PRNP: variants seen among roughly 807,000 people sequenced by gnomAD.
PRNP encodes prion protein (Kanno blood group).
Under a neutral mutation model 21.3 loss-of-function variants are expected in PRNP, and 15 were observed. That is an observed-to-expected ratio of 0.71 (90% CI 0.47 to 1.09). The LOEUF is 1.09. Ranked by LOEUF, PRNP falls within the 50% of genes least tolerant of loss-of-function variation. The pLI is 0.00. For missense variants in PRNP, 285 were observed against 340.9 expected (o/e 0.84, Z 1.29); for synonymous variants, 121 against 123.1 (o/e 0.98, Z 0.11).
chr20:4,699,826 C>T lies in PRNP; in HGVS notation c.606C>T (p.Asp202=), dbSNP rs371948269. 229 of 1,613,786 alleles carry T rather than the reference C, an allele frequency of 1.4e-4. No homozygotes were observed. The highest frequency in any genetic ancestry group is 1.9e-4 in the Non-Finnish European group (220 of 1,180,008). The part of the protein sequence containing the change: ...TTKGENFTET[D]VKMMERVVEQ... ...AGGGGGAGAACTTCACCGAGACCGA[C>T]GTTAAGATGATGGAGCGCGTGGTTG... The change falls in exon 2 of 2, where the codon GAC becomes GAT. Residue 202 remains aspartate, a synonymous_variant. Coordinates refer to ENST00000379440, the MANE Select transcript of PRNP (RefSeq NM_000311.5). The surrounding 1 kb of genome is among the most constrained non-coding windows in gnomAD (Gnocchi z 5.8).
At position 4,700,116 on chromosome 20, in the gene PRNP, C is replaced by T. The variant is rs1922509325; in HGVS notation, c.*134C>T. The T allele has an allele frequency of 1.3e-6, 2 of 1,549,490 alleles. No individual in the cohort carries two copies. The highest frequency in any genetic ancestry group is 1.2e-5 in the South Asian group (1 of 83,214). Reference sequence around the variant, plus strand: ...TGTCCCGGATAGGCTAATCAATACCCTTGGCACTGATGGGCACTGGAAAAC... The same window carrying T: ...TGTCCCGGATAGGCTAATCAATACCTTTGGCACTGATGGGCACTGGAAAAC... On this transcript the variant is annotated 3_prime_UTR_variant, in exon 2 of 2. Transcript: ENST00000379440. This position sits in a 1 kb window ranked among gnomAD's most constrained non-coding sequence, Gnocchi z 4.1.
intron 1 of PRNP, among the ~76,000 whole-genome samples, chr20:4,696,807 C>T (rs1922198579): frequency 6.6e-6 from 1 of 152,146 alleles, no homozygotes; most frequent in South Asian, 2.1e-4. Context: ...GATGTATAGG[C>T]CCCCAGACAT....
chr20:4,693,188 T>C (rs1921943053), intron 1 of PRNP, among the ~76,000 whole-genome samples: 1 of 152,160 alleles, frequency 6.6e-6, no homozygotes. Flanking sequence ...CAGCAGGTCT[T>C]ATTGGCTCTT....
intron 1 of PRNP, among the ~76,000 whole-genome samples, chr20:4,696,179 G>A (rs541279193): frequency 2.0e-5 from 3 of 152,030 alleles, no homozygotes; most frequent in Non-Finnish European, 4.4e-5. Context: ...AAAAAATTGA[G>A]ATTACCTGGA....
chr20:4,699,196 C>T lies in PRNP; in HGVS notation c.-10-15C>T, dbSNP rs1350241354. 6.2e-7 allele frequency: 1 copy of T among 1,613,542 alleles called. No individual in the cohort carries two copies. The highest frequency in any genetic ancestry group is 8.5e-7 in the Non-Finnish European group (1 of 1,179,862). The stretch of plus-strand genomic sequence containing the variant: ...ATAAATATGGGACTCTGACGTTCTC[C>T]TCTTCATTTTGCAGAGCAGTCATTA... On this transcript the variant is annotated splice_polypyrimidine_tract_variant and intron_variant, in intron 1 of 1. Transcript: ENST00000379440. This position sits in a 1 kb window ranked among gnomAD's most constrained non-coding sequence, Gnocchi z 5.8.
intron 1 of PRNP, among the ~76,000 whole-genome samples, chr20:4,691,383 T>C (rs1921817496): frequency 6.6e-6 from 1 of 152,216 alleles, no homozygotes; most frequent in Non-Finnish European, 1.5e-5. Flanking sequence ...CCATTAAGTA[T>C]GATGTTAGCT....
intron 1 of PRNP, among the ~76,000 whole-genome samples, chr20:4,694,962 A>AT (rs1041060918): frequency 1.3e-5 from 2 of 150,194 alleles, no homozygotes; most frequent in Non-Finnish European, 3.0e-5. Flanking sequence ...TCTTTTGGCC[A>AT]TTTTTTTCTG....
At chr20:4,693,634 A>T (rs546525961) in intron 1 of PRNP, among the ~76,000 whole-genome samples, 1 of 152,210 alleles carries the variant, frequency 6.6e-6, no homozygotes, top group Admixed American at 6.5e-5. Flanking sequence ...ATGGGGCTCC[A>T]CAGATTTGAT....
chr20:4,686,640 G>A lies in PRNP; in HGVS notation c.-11+128G>A, dbSNP rs1263046551. 1 of 151,974 alleles carries A rather than the reference G, an allele frequency of 6.6e-6. No individual in the cohort carries two copies. The highest frequency in any genetic ancestry group is 6.6e-5 in the Admixed American group (1 of 15,260). The allele number at this position is 151,974 out of a possible 1,614,324, so 9.4% of individuals were successfully genotyped here. Reference sequence around the variant, plus strand: ...GGCGGGGTCGGGACCCCAGTGAGGAGGGGCCGGGGGCTGCCCCGCGGGCGC... The same window carrying A: ...GGCGGGGTCGGGACCCCAGTGAGGAAGGGCCGGGGGCTGCCCCGCGGGCGC... On this transcript the variant is annotated intron_variant, in intron 1 of 1. Coordinates refer to ENST00000379440, the MANE Select transcript of PRNP (RefSeq NM_000311.5). The surrounding 1 kb of genome is among the most constrained non-coding windows in gnomAD (Gnocchi z 6.7).
rs1922209443 is a variant in PRNP, at chr20:4,696,961, T to C, written c.-10-2250T>C. Among the ~76,000 whole-genome samples, 6 of 152,162 alleles carry C rather than the reference T, an allele frequency of 3.9e-5. No homozygotes were observed. The South Asian group carries it at 1.2e-3, about 32-fold the overall frequency. On this transcript the variant is annotated intron_variant, in intron 1 of 1. Coordinates refer to ENST00000379440, the MANE Select transcript of PRNP (RefSeq NM_000311.5). ...GTGTCTCTAAGAGCTCATAGATCCT[T>C]AACTCTTACAGCTTTAAATGAGGCA...
chr20:4,688,433 G>T (rs1036454928), intron 1 of PRNP, among the ~76,000 whole-genome samples: 3 of 152,136 alleles, frequency 2.0e-5, no homozygotes, highest in Admixed American at 6.6e-5. Flanking sequence ...ATGAGTTATT[G>T]GGGGCATTTC....
chr20:4,698,311 AATTT>A (rs1270222358), intron 1 of PRNP, among the ~76,000 whole-genome samples: 1 of 152,210 alleles, frequency 6.6e-6, no homozygotes, highest in African/African-American at 2.4e-5. Flanking sequence ...ACAGGATGTT[AATTT>A]ATTTATTTGG....
intron 1 of PRNP, among the ~76,000 whole-genome samples, chr20:4,695,546 G>A (rs1189211386): frequency 6.8e-6 from 1 of 146,080 alleles, no homozygotes; most frequent in Non-Finnish European, 1.5e-5. Context: ...CTTTGCTATT[G>A]TGGATAGTTT....
At chr20:4,694,995 C>T (rs1428106753) in intron 1 of PRNP, among the ~76,000 whole-genome samples, 17 of 151,986 alleles carry the variant, frequency 1.1e-4, no homozygotes, top group Admixed American at 1.1e-3. Flanking sequence ...TCTCTTACTG[C>T]TCTGTAAGAA....
In PRNP at chr20:4,699,903, G is replaced by A. The variant is rs1332752242; in HGVS notation, c.683G>A (p.Arg228Lys). 2.5e-6 allele frequency: 4 copies of A among 1,613,730 alleles called. No individual in the cohort carries two copies. The highest frequency in any genetic ancestry group is 3.4e-6 in the Non-Finnish European group (4 of 1,179,982). ...YERESQAYYQ[R>K]GSSMVLFSSP... Reference sequence around the variant, plus strand: ...AGGGAATCTCAGGCCTATTACCAGAGAGGATCGAGCATGGTCCTCTTCTCC... The same window carrying A: ...AGGGAATCTCAGGCCTATTACCAGAAAGGATCGAGCATGGTCCTCTTCTCC... Residue 228 changes from arginine to lysine, a missense_variant, in exon 2 of 2, where the codon AGA becomes AAA. Transcript: ENST00000379440. This position sits in a 1 kb window ranked among gnomAD's most constrained non-coding sequence, Gnocchi z 5.8.
At chr20:4,695,126 CTT>C (rs1922083409) in intron 1 of PRNP, among the ~76,000 whole-genome samples, 1 of 151,914 alleles carries the variant, frequency 6.6e-6, no homozygotes, top group Non-Finnish European at 1.5e-5. Flanking sequence ...GAACAAGAAT[CTT>C]TACATTTTAA....
intron 1 of PRNP, among the ~76,000 whole-genome samples, chr20:4,687,206 C>G (rs1029022442): frequency 6.6e-6 from 1 of 152,118 alleles, no homozygotes; most frequent in African/African-American, 2.4e-5. Flanking sequence ...CCGTTGCCAC[C>G]GCCTGGAGAA....
At chr20:4,687,271 G>A (rs1354433550) in intron 1 of PRNP, among the ~76,000 whole-genome samples, 1 of 152,170 alleles carries the variant, frequency 6.6e-6, no homozygotes. Flanking sequence ...GGCGGGGGCG[G>A]GGTCCGGGGA....
chr20:4,700,904 TG>T lies in PRNP; in HGVS notation c.*923del, dbSNP rs1477888672. ...TTTTGACATACAGGAGAGCTGCAGT[TG>T]TGAAAGCACCATCATCATAGAGGAT... On this transcript the variant is annotated 3_prime_UTR_variant, in exon 2 of 2. Coordinates refer to ENST00000379440, the MANE Select transcript of PRNP (RefSeq NM_000311.5). The surrounding 1 kb of genome is among the most constrained non-coding windows in gnomAD (Gnocchi z 4.1). The T allele has an allele frequency of 6.0e-6, 1 of 166,838 alleles. No homozygotes were observed. The highest frequency in any genetic ancestry group is 6.5e-5 in the Admixed American group (1 of 15,290). 10.3% of individuals were successfully genotyped at this position (166,838 alleles called of 1,614,324 possible). A position where few individuals can be genotyped will look rare whatever the true frequency, so the allele number is the denominator to read the frequency against.
Sources: allele counts gnomAD v4.1 joint callset (sites outside exome capture counted in the v4.1 genomes callset), GRCh38; gene constraint gnomAD v4.1.1; non-coding constraint Gnocchi (gnomAD v3.1); transcripts MANE v1.5; gene names NCBI Gene and HGNC (gene_info 2026-07-23, HGNC 2026-07-21).